The following CTNNA3 variants were observed in gnomAD, a reference collection of about 807,000 sequenced individuals.
CTNNA3 encodes catenin alpha 3.
CTNNA3 carries 76 observed loss-of-function variants against 95.7 expected under a neutral mutation model. The ratio of observed to expected loss-of-function variants is 0.79; its 90% confidence interval spans 0.66 to 0.96. The LOEUF is 0.96. CTNNA3 is among the 40% of genes least tolerant of loss of function. The pLI is 0.00. For missense variants in CTNNA3, 1,191 were observed against 1,089.8 expected (o/e 1.09, Z -1.31); for synonymous variants, 431 against 374.4 (o/e 1.15, Z -1.74).
intron 17 of CTNNA3, among the ~76,000 whole-genome samples, chr10:65,921,271 C>T (rs1387804070): frequency 2.0e-5 from 3 of 152,174 alleles, no homozygotes; most frequent in East Asian, 3.9e-4. Flanking sequence ...GTTAACATTT[C>T]GTCCATGTAA....
At chr10:67,432,129 C>A (rs1041914801) in intron 5 of CTNNA3, among the ~76,000 whole-genome samples, 7 of 151,788 alleles carry the variant, frequency 4.6e-5, no homozygotes, top group Non-Finnish European at 8.8e-5. Context: ...TCGCTAAATG[C>A]CTATATTAGA....
chr10:66,530,431 A>G (rs1335142873), intron 10 of CTNNA3, among the ~76,000 whole-genome samples: 1 of 152,158 alleles, frequency 6.6e-6, no homozygotes, highest in Non-Finnish European at 1.5e-5. Flanking sequence ...ATGTTCTACT[A>G]CTACCAAATA....
chr10:65,955,601 C>T (rs997832949), intron 17 of CTNNA3, among the ~76,000 whole-genome samples: 33 of 152,068 alleles, frequency 2.2e-4, no homozygotes, highest in African/African-American at 6.5e-4. Context: ...GCATGAAGTG[C>T]TGTTGAATTT....
chr10:66,681,742 G>T (rs1847073906), intron 9 of CTNNA3, among the ~76,000 whole-genome samples: 1 of 152,068 alleles, frequency 6.6e-6, no homozygotes, highest in Non-Finnish European at 1.5e-5. Flanking sequence ...GAACCTCAGG[G>T]GTTTCTTTAA....
At chr10:67,675,014 G>T (rs1487861202) in intron 1 of CTNNA3, among the ~76,000 whole-genome samples, 2 of 151,968 alleles carry the variant, frequency 1.3e-5, no homozygotes, top group Non-Finnish European at 2.9e-5. Context: ...CCAATTTAAT[G>T]AGTAGATAAA....
At chr10:65,973,928 A>C (rs942362093) in intron 16 of CTNNA3, among the ~76,000 whole-genome samples, 5 of 152,126 alleles carry the variant, frequency 3.3e-5, no homozygotes, top group Admixed American at 2.6e-4. Context: ...CCAAAACCAC[A>C]TCAAAACATG....
At chr10:67,111,750 A>G (rs1858917926) in intron 7 of CTNNA3, among the ~76,000 whole-genome samples, 2 of 152,066 alleles carry the variant, frequency 1.3e-5, no homozygotes, top group Non-Finnish European at 2.9e-5. Context: ...TCATGGTATC[A>G]ACAGATAACA....
intron 7 of CTNNA3, among the ~76,000 whole-genome samples, chr10:66,788,047 G>A (rs143588248): frequency 2.1e-4 from 32 of 152,154 alleles, no homozygotes; most frequent in Non-Finnish European, 3.2e-4. Context: ...TTCATCTTAG[G>A]TTTACAAGTC....
At chr10:66,220,968 T>C (rs1040406613) in intron 13 of CTNNA3, among the ~76,000 whole-genome samples, 6 of 152,186 alleles carry the variant, frequency 3.9e-5, no homozygotes, top group African/African-American at 1.2e-4. Context: ...CTTTGGGCCG[T>C]GGGTCCAGGC....
chr10:67,497,902 T>C (rs891260813), intron 5 of CTNNA3, among the ~76,000 whole-genome samples: 9 of 152,220 alleles, frequency 5.9e-5, no homozygotes, highest in African/African-American at 7.2e-5. Context: ...ACTCTGATAA[T>C]AGTTTCTTTT....
chr10:67,723,622 T>C (rs1025706034), intron 1 of CTNNA3, among the ~76,000 whole-genome samples: 10 of 152,130 alleles, frequency 6.6e-5, no homozygotes, highest in Non-Finnish European at 1.2e-4. Flanking sequence ...AACAATTTAA[T>C]CCCACAAGAC....
chr10:67,241,458 C>G (rs2132332655), intron 5 of CTNNA3, among the ~76,000 whole-genome samples: 1 of 151,680 alleles, frequency 6.6e-6, no homozygotes, highest in East Asian at 1.9e-4. Context: ...AATTTTTCCT[C>G]TAAAGCATAA....
intron 1 of CTNNA3, among the ~76,000 whole-genome samples, chr10:67,709,753 T>C (rs1397505806): frequency 6.6e-6 from 1 of 152,100 alleles, no homozygotes; most frequent in Non-Finnish European, 1.5e-5. Flanking sequence ...ACCCCTGATG[T>C]TTCTTCCTGG....
chr10:66,872,020 C>T (rs1387782005), intron 7 of CTNNA3, among the ~76,000 whole-genome samples: 12 of 152,298 alleles, frequency 7.9e-5, no homozygotes, highest in Non-Finnish European at 1.2e-4. Context: ...TATTGAAACA[C>T]TATCAGCCAA....
intron 12 of CTNNA3, among the ~76,000 whole-genome samples, chr10:66,300,496 T>C (rs1009705122): frequency 1.2e-4 from 18 of 151,976 alleles, no homozygotes; most frequent in African/African-American, 4.4e-4. Flanking sequence ...ACATGGCAAG[T>C]ACTGTCTTAA....
chr10:66,737,660 T>A (rs1348750765), intron 9 of CTNNA3, among the ~76,000 whole-genome samples: 2 of 150,836 alleles, frequency 1.3e-5, no homozygotes, highest in Non-Finnish European at 3.0e-5. Context: ...ACTTAAAAGT[T>A]GTACTTTTTT....
intron 7 of CTNNA3, among the ~76,000 whole-genome samples, chr10:66,886,059 A>G (rs1845030123): frequency 6.6e-6 from 1 of 152,176 alleles, no homozygotes; most frequent in Non-Finnish European, 1.5e-5. Flanking sequence ...ATAACCTCAT[A>G]GCCTCTAAGT....
intron 10 of CTNNA3, among the ~76,000 whole-genome samples, chr10:66,590,710 T>C (rs1157899642): frequency 6.6e-6 from 1 of 152,086 alleles, no homozygotes; most frequent in Non-Finnish European, 1.5e-5. Context: ...AGTTATAGTT[T>C]GCCTTATTTC....
intron 15 of CTNNA3, among the ~76,000 whole-genome samples, chr10:66,007,973 C>T (rs1448159011): frequency 6.6e-6 from 1 of 152,048 alleles, no homozygotes; most frequent in East Asian, 1.9e-4. Context: ...TACAACAGAT[C>T]TATTTCATTT....
Sources: gnomAD v4.1 joint callset for allele counts (sites outside exome capture counted in the v4.1 genomes callset) on GRCh38, gnomAD v4.1.1 for gene constraint, MANE v1.5 for transcripts, NCBI Gene and HGNC (gene_info 2026-07-23, HGNC 2026-07-21) for gene names.